The following EXOC6B variants were observed in gnomAD, a reference collection of about 807,000 sequenced individuals.
The protein encoded by EXOC6B is exocyst complex component 6B, also known as SEC15 homolog B.
EXOC6B carries 54 observed loss-of-function variants against 113.5 expected under a neutral mutation model. That is an observed-to-expected ratio of 0.48 (90% CI 0.38 to 0.60). The LOEUF (loss-of-function observed/expected upper bound fraction) is 0.60. EXOC6B is among the 20% of genes least tolerant of loss of function. EXOC6B has a pLI of 0.00. For missense variants in EXOC6B, 797 were observed against 977.5 expected, an observed-to-expected ratio of 0.82 and a Z score of 2.46; for synonymous variants, 357 against 339.0, an observed-to-expected ratio of 1.05 and a Z score of -0.58.
chr2:72,375,143 C>T (rs1279347945), intron 19 of EXOC6B, among the ~76,000 whole-genome samples: 3 of 151,960 alleles, frequency 2.0e-5, no homozygotes, highest in South Asian at 4.2e-4. Flanking sequence ...AAGTAGTATG[C>T]ACCCAATAAC....
rs574795407 is a variant in EXOC6B, at chr2:72,714,876, T to C, written c.669+3227A>G. Among the ~76,000 whole-genome samples, 6 of 152,316 alleles carry C rather than the reference T, an allele frequency of 3.9e-5. 1 individual carries two copies. The highest frequency in any genetic ancestry group is 1.3e-4 in the Admixed American group (2 of 15,290). ...ATTTAGGGAAGAACAGTGGGTATGG[T>C]GTCTGCACAGAACCTATTGGAAAGA... On this transcript the variant is annotated intron_variant, in intron 6 of 21. Coordinates refer to ENST00000272427, the MANE Select transcript of EXOC6B (RefSeq NM_015189.3).
chr2:72,665,345 T>C (rs1675314128), intron 6 of EXOC6B, among the ~76,000 whole-genome samples: 1 of 152,044 alleles, frequency 6.6e-6, no homozygotes, highest in Admixed American at 6.6e-5. Flanking sequence ...TCAAGAAATA[T>C]AGAGAACCCC....
chr2:72,626,231 G>A (rs761395027), intron 6 of EXOC6B, among the ~76,000 whole-genome samples: 1 of 152,140 alleles, frequency 6.6e-6, no homozygotes, highest in Non-Finnish European at 1.5e-5. Flanking sequence ...GAAGTGAAAG[G>A]CTCTTTCAGC....
chr2:72,302,270 T>G (rs1053370301), intron 20 of EXOC6B, among the ~76,000 whole-genome samples: 1 of 152,234 alleles, frequency 6.6e-6, no homozygotes, highest in Non-Finnish European at 1.5e-5. Flanking sequence ...GTGTGGTCAA[T>G]TTTAGAGCAT....
intron 6 of EXOC6B, among the ~76,000 whole-genome samples, chr2:72,620,505 A>G (rs1297910186): frequency 6.6e-6 from 1 of 151,532 alleles, no homozygotes. Context: ...ATAATTTTAA[A>G]TTTAAATTTT....
In EXOC6B at chr2:72,777,264, T is replaced by C. The variant is rs149822170; in HGVS notation, c.114-35795A>G. On this transcript the variant is annotated intron_variant, in intron 1 of 21. Coordinates refer to ENST00000272427, the MANE Select transcript of EXOC6B (RefSeq NM_015189.3). Reference sequence around the variant, plus strand: ...GTCTCAAAAAAAGAAAAACAGACTCTTGAGATTCTTGAAAGCAACAAGAGA... The same window carrying C: ...GTCTCAAAAAAAGAAAAACAGACTCCTGAGATTCTTGAAAGCAACAAGAGA... Among the ~76,000 whole-genome samples, 22 of 152,180 alleles carry C rather than the reference T, an allele frequency of 1.4e-4. No individual in the cohort carries two copies. In the East Asian group the frequency reaches 4.2e-3, roughly 29 times the overall value.
At chr2:72,360,847 C>T (rs925783156) in intron 19 of EXOC6B, among the ~76,000 whole-genome samples, 3 of 147,622 alleles carry the variant, frequency 2.0e-5, no homozygotes, top group African/African-American at 7.7e-5. Context: ...AGGAGAATGG[C>T]GTGAACCCGG....
chr2:72,766,719 T>A (rs1243813126), intron 1 of EXOC6B, among the ~76,000 whole-genome samples: 1 of 151,552 alleles, frequency 6.6e-6, no homozygotes, highest in Non-Finnish European at 1.5e-5. Context: ...TTTGGGAGGA[T>A]GAGGCAAGTG....
At chr2:72,504,769 C>T (rs1345433271) in intron 11 of EXOC6B, among the ~76,000 whole-genome samples, 1 of 152,106 alleles carries the variant, frequency 6.6e-6, no homozygotes, top group African/African-American at 2.4e-5. Flanking sequence ...GTTTCTATTG[C>T]TCCATATCTT....
intron 6 of EXOC6B, among the ~76,000 whole-genome samples, chr2:72,620,521 T>C (rs968075966): frequency 1.3e-5 from 2 of 151,392 alleles, no homozygotes; most frequent in African/African-American, 4.8e-5. Context: ...ATTTTAAATT[T>C]AAATTTAAAA....
chr2:72,668,459 T>C (rs1277259057), intron 6 of EXOC6B, among the ~76,000 whole-genome samples: 1 of 146,576 alleles, frequency 6.8e-6, no homozygotes, highest in Non-Finnish European at 1.5e-5. Flanking sequence ...AAAAAAAAAA[T>C]GCAACCCATA....
chr2:72,746,277 T>G (rs759728934), intron 1 of EXOC6B, among the ~76,000 whole-genome samples: 6 of 152,072 alleles, frequency 3.9e-5, no homozygotes, highest in Non-Finnish European at 7.4e-5. Flanking sequence ...TAGTAAAGTA[T>G]ATACTTTACT....
At chr2:72,194,643 G>T (rs1272986662) in intron 20 of EXOC6B, among the ~76,000 whole-genome samples, 1 of 151,348 alleles carries the variant, frequency 6.6e-6, no homozygotes, top group African/African-American at 2.4e-5. Context: ...CAGAGCAGAA[G>T]CTGTTTCACA....
intron 20 of EXOC6B, among the ~76,000 whole-genome samples, chr2:72,289,549 G>A (rs1056524302): frequency 6.6e-6 from 1 of 152,084 alleles, no homozygotes; most frequent in Admixed American, 6.6e-5. Context: ...GTGTGTGTAT[G>A]TGTGTGTGTA....
chr2:72,269,535 G>C (rs181989300), intron 20 of EXOC6B, among the ~76,000 whole-genome samples: 1 of 152,238 alleles, frequency 6.6e-6, no homozygotes, highest in Non-Finnish European at 1.5e-5. Flanking sequence ...TTCTACCCAG[G>C]CACAGTGGCT....
intron 18 of EXOC6B, among the ~76,000 whole-genome samples, chr2:72,395,262 T>C (rs1161506527): frequency 6.6e-6 from 1 of 151,960 alleles, no homozygotes; most frequent in African/African-American, 2.4e-5. Flanking sequence ...ACCACAGCCA[T>C]AGGAGAAAGT....
At chr2:72,788,453 G>T (rs1317532722) in intron 1 of EXOC6B, among the ~76,000 whole-genome samples, 2 of 152,112 alleles carry the variant, frequency 1.3e-5, no homozygotes, top group East Asian at 1.9e-4. Flanking sequence ...AAACCATGAG[G>T]TATCGAATCT....
At chr2:72,480,573 T>G (rs905563889) in intron 17 of EXOC6B, 43 bp downstream of exon 17, 14 of 1,535,346 alleles carry the variant, frequency 9.1e-6, no homozygotes, top group Non-Finnish European at 1.2e-5. Flanking sequence ...TCCCAGACTG[T>G]GTACACCAGA....
At chr2:72,786,228 T>C (rs1444649263) in intron 1 of EXOC6B, among the ~76,000 whole-genome samples, 1 of 152,226 alleles carries the variant, frequency 6.6e-6, no homozygotes, top group African/African-American at 2.4e-5. Context: ...CCAACATAGA[T>C]GCCAGAAGAA....
Sources: gnomAD v4.1 joint callset for allele counts (sites outside exome capture counted in the v4.1 genomes callset) on GRCh38, gnomAD v4.1.1 for gene constraint, MANE v1.5 for transcripts, NCBI Gene and HGNC (gene_info 2026-07-23, HGNC 2026-07-21) for gene names.